GPHN: variants seen among roughly 807,000 people sequenced by gnomAD.
GPHN encodes the protein gephyrin.
In GPHN, 17 loss-of-function variants were observed where a neutral mutation model predicts 95.5. That is an observed-to-expected ratio of 0.18 (90% CI 0.12 to 0.27). The LOEUF is 0.27. Among genes scored for constraint, GPHN ranks in the 10% least tolerant of loss-of-function variants. The pLI, the probability that GPHN is intolerant of heterozygous loss-of-function variation, is 1.00. For missense variants in GPHN, 660 were observed against 978.1 expected, an observed-to-expected ratio of 0.67 and a Z score of 4.34; for synonymous variants, 320 against 322.5, an observed-to-expected ratio of 0.99 and a Z score of 0.08.
intron 2 of GPHN, among the ~76,000 whole-genome samples, chr14:66,773,510 C>T (rs527237914): frequency 3.3e-5 from 5 of 152,066 alleles, no homozygotes; most frequent in South Asian, 2.1e-4. Flanking sequence ...CTCGCCACCA[C>T]GCCCAGCTAA....
the GPHN span, among the ~76,000 whole-genome samples, chr14:67,407,597 T>C: frequency 2.0e-5 from 3 of 151,650 alleles, no homozygotes; most frequent in Middle Eastern, 3.2e-3. Flanking sequence ...AGTACCACCA[T>C]GACTGGCTAA....
Position 66,998,971 on chromosome 14 carries a change from CAATT to C in GPHN, c.964-24659_964-24656del, listed in dbSNP as rs749842646. ...AGCTTTGTTTTTGATATCTCATTATCAATTAACCTTCATAACAGCCTTGTTTGGG... is the reference window on the plus strand; with the variant it reads ...AGCTTTGTTTTTGATATCTCATTATCAACCTTCATAACAGCCTTGTTTGGG... On this transcript the variant is annotated intron_variant, in intron 9 of 22. Transcript: ENST00000478722. Among the ~76,000 whole-genome samples the C allele has an allele frequency of 2.0e-5, 3 of 150,794 alleles. No homozygotes were observed. In the East Asian group the frequency reaches 5.8e-4, roughly 29 times the overall value.
At chr14:67,704,739 T>C in the GPHN span, among the ~76,000 whole-genome samples, 1 of 152,224 alleles carries the variant, frequency 6.6e-6, no homozygotes, top group Non-Finnish European at 1.5e-5. Flanking sequence ...GCTTCTATTT[T>C]ACCCTGCCCT....
chr14:66,726,671 C>G (rs2071269663), intron 2 of GPHN, among the ~76,000 whole-genome samples: 1 of 152,070 alleles, frequency 6.6e-6, no homozygotes, highest in African/African-American at 2.4e-5. Context: ...ATCAGAATAA[C>G]AAAGTCTGTA....
chr14:66,919,853 T>G (rs983455195), intron 6 of GPHN, among the ~76,000 whole-genome samples: 1 of 151,964 alleles, frequency 6.6e-6, no homozygotes, highest in Non-Finnish European at 1.5e-5. Flanking sequence ...GATCACAAGG[T>G]CAGGAGTTCA....
At chr14:67,159,811 A>C (rs895368160) in intron 19 of GPHN, among the ~76,000 whole-genome samples, 2 of 152,110 alleles carry the variant, frequency 1.3e-5, no homozygotes, top group Admixed American at 6.5e-5. Context: ...AAAAATAATT[A>C]ATATGAGAAC....
chr14:67,650,516 T>C, the GPHN span: 1 of 592,016 alleles, frequency 1.7e-6, no homozygotes. Context: ...TCTTTTAATC[T>C]ACTATAGCAC....
chr14:66,549,760 G>T (rs1207486614), intron 1 of GPHN, among the ~76,000 whole-genome samples: 4 of 152,130 alleles, frequency 2.6e-5, no homozygotes, highest in Admixed American at 2.0e-4. Flanking sequence ...CTCATTAGGG[G>T]TTAATGGAGC....
At chr14:67,330,616 G>A in the GPHN span, among the ~76,000 whole-genome samples, 9 of 151,808 alleles carry the variant, frequency 5.9e-5, no homozygotes, top group African/African-American at 1.7e-4. Context: ...GCACCACCAC[G>A]CCCAGCTAAT....
the GPHN span, among the ~76,000 whole-genome samples, chr14:67,634,586 C>T: frequency 0.092 from 12,892 of 140,720 alleles, 620 homozygotes; most frequent in Middle Eastern, 0.19. Flanking sequence ...AGAACCAGAC[C>T]GTGTCTCCAA....
intron 11 of GPHN, among the ~76,000 whole-genome samples, chr14:67,065,548 T>C (rs1487789683): frequency 2.0e-5 from 3 of 152,132 alleles, no homozygotes; most frequent in Non-Finnish European, 4.4e-5. Flanking sequence ...CTCCCATTAT[T>C]ATTGTGTGGG....
chr14:67,097,503 C>T (rs1348959370), intron 12 of GPHN, among the ~76,000 whole-genome samples: 1 of 151,728 alleles, frequency 6.6e-6, no homozygotes, highest in African/African-American at 2.4e-5. Context: ...ATCTTTTCCT[C>T]TCTCTCCCTC....
At chr14:66,587,504 A>G (rs1008180446) in intron 1 of GPHN, among the ~76,000 whole-genome samples, 5 of 152,202 alleles carry the variant, frequency 3.3e-5, no homozygotes, top group Admixed American at 2.0e-4. Context: ...AAATTCAGTA[A>G]CACATTATAA....
At chr14:66,544,736 C>T (rs1041191353) in intron 1 of GPHN, among the ~76,000 whole-genome samples, 2 of 152,028 alleles carry the variant, frequency 1.3e-5, no homozygotes, top group African/African-American at 4.8e-5. Flanking sequence ...GACCCTGTGG[C>T]CTTCCGCAGT....
chr14:66,538,945 A>G (rs2140036545), intron 1 of GPHN, among the ~76,000 whole-genome samples: 1 of 152,076 alleles, frequency 6.6e-6, no homozygotes, highest in South Asian at 2.1e-4. Context: ...TCCCCTTTTT[A>G]GTTGTTAGGC....
rs111794570 is a variant in GPHN at position 66,530,281 on chromosome 14, G to A, written c.64+21690G>A. On this transcript the variant is annotated intron_variant, in intron 1 of 22. Transcript: ENST00000478722. ...ACTGCCTACTCAAGCCTCAGTAATGGTGGACGTCCCTCCTTGCACCAAGCT... is the reference window on the plus strand; with the variant it reads ...ACTGCCTACTCAAGCCTCAGTAATGATGGACGTCCCTCCTTGCACCAAGCT... 3.6e-3 allele frequency among the ~76,000 whole-genome samples: 555 copies of A among 152,254 alleles called. 12 individuals are homozygous for A. Among genetic ancestry groups the A allele is most frequent in the African/African-American group, 0.013 (529 of 41,554 alleles).
the GPHN span, among the ~76,000 whole-genome samples, chr14:67,245,369 C>G: frequency 6.6e-6 from 1 of 152,048 alleles, no homozygotes; most frequent in Non-Finnish European, 1.5e-5. Context: ...TGGGATTTTT[C>G]TTTGCATTTC....
chr14:67,647,023 CAAGT>C, the GPHN span: 19 of 1,600,950 alleles, frequency 1.2e-5, no homozygotes, highest in Non-Finnish European at 1.5e-5. Context: ...TGCTGATTGG[CAAGT>C]AAGTAACTAT....
chr14:66,729,338 G>A (rs972375192), intron 2 of GPHN, among the ~76,000 whole-genome samples: 3 of 152,042 alleles, frequency 2.0e-5, no homozygotes, highest in African/African-American at 4.8e-5. Flanking sequence ...AAAACTTCTA[G>A]TCCAAAGTAT....
Sources: allele counts gnomAD v4.1 joint callset (sites outside exome capture counted in the v4.1 genomes callset), GRCh38; gene constraint gnomAD v4.1.1; transcripts MANE v1.5; gene names NCBI Gene and HGNC (gene_info 2026-07-23, HGNC 2026-07-21).